The following SFTPB variants were observed in gnomAD, a reference collection of about 807,000 sequenced individuals.
SFTPB encodes surfactant protein B, also known as pulmonary surfactant-associated protein B.
Under a neutral mutation model 51.0 loss-of-function variants are expected in SFTPB, and 32 were observed. That is an observed-to-expected ratio of 0.63 (90% CI 0.47 to 0.84). The LOEUF (loss-of-function observed/expected upper bound fraction) is 0.84. Ranked by LOEUF, SFTPB falls within the 40% of genes least tolerant of loss-of-function variation. SFTPB has a pLI of 0.00. For missense variants in SFTPB, 431 were observed against 491.2 expected (o/e 0.88, Z 1.16); for synonymous variants, 211 against 208.5 (o/e 1.01, Z -0.10).
At chr2:85,661,146 A>G in intron 10 of SFTPB, 1 of 291,324 alleles carries the variant, frequency 3.4e-6, no homozygotes, top group South Asian at 3.2e-5. Context: ...TGAGGGCCAG[A>G]GAGTCCCTGG....
Position 85,665,364 on chromosome 2 carries a change from C to T in SFTPB, c.597G>A (p.Gln199=), listed in dbSNP as rs768532112. The T allele has an allele frequency of 6.2e-7, 1 of 1,613,928 alleles. No individual in the cohort carries two copies. Among genetic ancestry groups the T allele is most frequent in the Non-Finnish European group, 8.5e-7 (1 of 1,179,866 alleles). Residue 199 remains glutamine, a synonymous_variant, in exon 6 of 11, where the codon CAG becomes CAA. Coordinates refer to ENST00000519937, the MANE Select transcript of SFTPB (RefSeq NM_000542.5). ...PGPHTQDLSE[Q]QFPIPLPYCW... ...AATAGGGGAGAGGAATGGGGAATTG[C>T]TGCTCGGAGAGATCCTGGGGAAAGA... is the stretch of plus-strand genomic sequence containing the variant.
At chr2:85,665,486 GC>G in intron 5 of SFTPB, 108 bp from the exon 6 acceptor site, 1 of 1,442,874 alleles carries the variant, frequency 6.9e-7, no homozygotes, top group Non-Finnish European at 9.7e-7. Flanking sequence ...CTTAGGCCCT[GC>G]CTGGAGCTTC....
At chr2:85,666,573 G>T in intron 4 of SFTPB, 44 bp downstream of exon 4, 5 of 1,608,552 alleles carry the variant, frequency 3.1e-6, no homozygotes, top group Non-Finnish European at 3.4e-6. Context: ...GGGCACAGGG[G>T]CCTGCGTGGG....
At position 85,663,862 on chromosome 2, in the gene SFTPB, G is replaced by A. The variant is rs1391097943; in HGVS notation, c.673-15C>T. 1 of 1,571,568 alleles carries A rather than the reference G, an allele frequency of 6.4e-7. No individual in the cohort carries two copies. The highest frequency in any genetic ancestry group is 8.6e-7 in the Non-Finnish European group (1 of 1,165,304). On this transcript the variant is annotated splice_polypyrimidine_tract_variant and intron_variant, in intron 6 of 10. Transcript: ENST00000519937. ...GCTAGCGCACCCTGGGGCGGGGGCG[G>A]AGAGAGGCCAGCATGGGACCTTCAC...
At position 85,663,795 on chromosome 2, in the gene SFTPB, G is replaced by T. The variant is rs759213352; in HGVS notation, c.725C>A (p.Ala242Glu). 6.2e-7 allele frequency: 1 copy of T among 1,602,180 alleles called. No individual in the cohort carries two copies. Among genetic ancestry groups the T allele is most frequent in the South Asian group, 1.1e-5 (1 of 89,410 alleles). The change falls in exon 7 of 11, where the codon GCG becomes GAG. Residue 242 changes from alanine (A) to glutamate (E), a missense_variant. Transcript: ENST00000519937. ...AGCCAGGCACTGGCAGATGCCGCCC[G>T]CCACCAGAGGTACCACGCGGCACAC... Reference protein sequence around the residue: ...AQVCRVVPLVAGGICQCLAER... With the variant: ...AQVCRVVPLVEGGICQCLAER...
Position 85,665,610 on chromosome 2 carries a change from G to A in SFTPB, c.578C>T (p.Thr193Ile). Residue 193 changes from threonine (T) to isoleucine (I), a missense_variant, in exon 5 of 11, where the codon ACA (threonine) becomes ATA (isoleucine). Coordinates refer to ENST00000519937, the MANE Select transcript of SFTPB (RefSeq NM_000542.5). ...GGCTGTGGGGGCCTCCCTCACCTGT[G>A]TGTGAGGCCCAGGCCTCGCCTGGAG... ...GALQARPGPHTQDLSEQQFPI... is the reference protein window; with the variant it reads ...GALQARPGPHIQDLSEQQFPI... 1 of 1,613,576 alleles carries A rather than the reference G, an allele frequency of 6.2e-7. No individual in the cohort carries two copies.
In SFTPB at chr2:85,667,185, G is replaced by C. The variant is rs3024798; in HGVS notation, c.196-8C>G. ...CTCTTGGCATAGGTCATCCTGGGGA[G>C]GGAGGGGCCCCAAGGTGGAGGACAC... On this transcript the variant is annotated splice_region_variant and splice_polypyrimidine_tract_variant and intron_variant, in intron 2 of 10. Coordinates refer to ENST00000519937, the MANE Select transcript of SFTPB (RefSeq NM_000542.5). The C allele has an allele frequency of 6.2e-7, 1 of 1,611,754 alleles. No homozygotes were observed. The highest frequency in any genetic ancestry group is 8.5e-7 in the Non-Finnish European group (1 of 1,178,026).
At position 85,667,138 on chromosome 2, in the gene SFTPB, GGATGTGGACGAT is replaced by G; in HGVS notation, c.223_234del (p.Ile75_Ile78del). On this transcript the variant is annotated inframe_deletion, in exon 3 of 11. Transcript: ENST00000519937. ...ATGGCCTCCTTGGCCATCTTGTTAA[GGATGTGGACGAT>G]GTCCTCACACTCTTGGCATAGGTCA... 6.2e-7 allele frequency: 1 copy of G among 1,613,984 alleles called. No homozygotes were observed. The highest frequency in any genetic ancestry group is 8.5e-7 in the Non-Finnish European group (1 of 1,179,874).
chr2:85,666,517 GTGTGTC>G, intron 4 of SFTPB, 94 bp downstream of exon 4: 3 of 1,182,286 alleles, frequency 2.5e-6, no homozygotes, highest in Non-Finnish European at 3.6e-6. Context: ...GTGTGTGTGT[GTGTGTC>G]TGGCTGGCTG....
rs541110574 is a variant in SFTPB at position 85,667,156 on chromosome 2, C to T, written c.217G>A (p.Glu73Lys). Reference protein sequence around the residue: ...VGADDLCQECEDIVHILNKMA... With the variant: ...VGADDLCQECKDIVHILNKMA... ...TTGTTAAGGATGTGGACGATGTCCT[C>T]ACACTCTTGGCATAGGTCATCCTGG... Residue 73 changes from glutamate (E) to lysine (K), a missense_variant, in exon 3 of 11, where the codon GAG (glutamate) becomes AAG (lysine). Coordinates refer to ENST00000519937, the MANE Select transcript of SFTPB (RefSeq NM_000542.5). 9.3e-6 allele frequency: 15 copies of T among 1,613,940 alleles called. 1 individual carries two copies. In the South Asian group the frequency reaches 1.5e-4, roughly 17 times the overall value.
rs1677335734 is a variant in SFTPB, at chr2:85,662,096, A to G, written c.1016T>C (p.Val339Ala). The G allele has an allele frequency of 6.2e-7, 1 of 1,601,462 alleles. No homozygotes were observed. Among genetic ancestry groups the G allele is most frequent in the South Asian group, 1.1e-5 (1 of 87,994 alleles). The change falls in exon 9 of 11, where the codon GTG becomes GCG. Residue 339 changes from valine to alanine, a missense_variant. By Grantham distance (64) the Val-to-Ala change is moderately conservative. Coordinates refer to ENST00000519937, the MANE Select transcript of SFTPB (RefSeq NM_000542.5). ...CAGCAGCTGGGGCGTGTGCTGCTCC[A>G]CAAATTGCTTGCACTGAGGAAGGAG... The part of the protein sequence containing the change: ...WLDREKCKQF[V>A]EQHTPQLLTL...
chr2:85,662,667 C>T (rs891627845), intron 8 of SFTPB, among the ~76,000 whole-genome samples: 1 of 151,970 alleles, frequency 6.6e-6, no homozygotes, highest in Admixed American at 6.6e-5. Context: ...ATGGTGAAAC[C>T]TTGTCTCTAC....
intron 2 of SFTPB, 50 bp downstream of exon 2, chr2:85,667,629 C>A (rs769738808): frequency 6.2e-7 from 1 of 1,613,868 alleles, no homozygotes. Context: ...GCCCACCCAG[C>A]ACCCTTCATT....
At position 85,663,403 on chromosome 2, in the gene SFTPB, C is replaced by T; in HGVS notation, c.945G>A (p.Gln315=). Residue 315 remains glutamine, a synonymous_variant, in exon 8 of 11, where the codon CAG becomes CAA. Transcript: ENST00000519937. ...CCTGGAGCATTGCCTGTGGTATGGC[C>T]TGCTCGCTGCTGTTCCCGGCCTGGG... ...VTTQAGNSSE[Q]AIPQAMLQAC... The T allele has an allele frequency of 6.2e-7, 1 of 1,613,950 alleles. No individual in the cohort carries two copies. Among genetic ancestry groups the T allele is most frequent in the Non-Finnish European group, 8.5e-7 (1 of 1,180,040 alleles).
intron 6 of SFTPB, 125 bp downstream of exon 6, chr2:85,665,164 C>A: frequency 6.2e-6 from 5 of 812,614 alleles, no homozygotes; most frequent in Non-Finnish European, 2.2e-6. Flanking sequence ...GCGGCTCTCT[C>A]CCCTCCTAAC....
At position 85,667,779 on chromosome 2, in the gene SFTPB, C is replaced by T; in HGVS notation, c.95G>A (p.Cys32Tyr). 6.2e-7 allele frequency: 1 copy of T among 1,614,274 alleles called. No homozygotes were observed. The highest frequency in any genetic ancestry group is 8.5e-7 in the Non-Finnish European group (1 of 1,180,052). Residue 32 changes from cysteine to tyrosine, a missense_variant, in exon 2 of 11, where the codon TGT becomes TAT. Coordinates refer to ENST00000519937, the MANE Select transcript of SFTPB (RefSeq NM_000542.5). The stretch of plus-strand genomic sequence containing the variant: ...GCACCAGAACTCAGGGCCCTGGGCA[C>T]AGGCCAAGGATGAGGTGGTCCAGGC... ...TAAWTTSSLA[C>Y]AQGPEFWCQS... is the part of the protein sequence containing the mutation.
chr2:85,661,937 G>A (rs36011626), intron 9 of SFTPB, 92 bp downstream of exon 9: 13 of 1,278,784 alleles, frequency 1.0e-5, no homozygotes, highest in African/African-American at 2.9e-5. Context: ...TTGGACCCAG[G>A]GGAGTGAGGC....
chr2:85,667,548 T>TCATTTCATCTCATCC (rs558810268), intron 2 of SFTPB, 131 bp downstream of exon 2: 5 of 1,175,074 alleles, frequency 4.3e-6, no homozygotes, highest in Non-Finnish European at 6.4e-6. Flanking sequence ...TTATCCTATC[T>TCATTTCATCTCATCC]CATTTCATCT....
At chr2:85,666,479 GGCCGGC>G in intron 4 of SFTPB, 132 bp downstream of exon 4, 1 of 811,500 alleles carries the variant, frequency 1.2e-6, no homozygotes. Flanking sequence ...GTTTGTGTCT[GGCCGGC>G]TTGGGTGCTG....
Sources: gnomAD v4.1 joint callset for allele counts (sites outside exome capture counted in the v4.1 genomes callset) on GRCh38, gnomAD v4.1.1 for gene constraint, MANE v1.5 for transcripts, NCBI Gene and HGNC (gene_info 2026-07-23, HGNC 2026-07-21) for gene names.